Variants in ROBO2 observed in about 807,000 individuals in gnomAD.
The protein encoded by ROBO2 is roundabout guidance receptor 2.
Under a neutral mutation model 160.8 loss-of-function variants are expected in ROBO2, and 53 were observed. The ratio of observed to expected loss-of-function variants is 0.33; its 90% CI spans 0.26 to 0.41. ROBO2 has a LOEUF of 0.41. Among genes scored for constraint, ROBO2 ranks in the 10% least tolerant of loss-of-function variants. The pLI is 1.00. For missense variants in ROBO2, 1,577 were observed against 1,722.4 expected, an observed-to-expected ratio of 0.92 and a Z score of 1.49; for synonymous variants, 664 against 611.7, an observed-to-expected ratio of 1.09 and a Z score of -1.26.
intron 2 of ROBO2, among the ~76,000 whole-genome samples, chr3:76,438,872 C>T (rs1398852771): frequency 6.6e-6 from 1 of 151,410 alleles, no homozygotes; most frequent in Non-Finnish European, 1.5e-5. Context: ...AGATAAGTGT[C>T]GTTAAGCCCT....
At chr3:76,039,178 TAC>T (rs969057471) in intron 2 of ROBO2, among the ~76,000 whole-genome samples, 3 of 152,014 alleles carry the variant, frequency 2.0e-5, no homozygotes, top group Non-Finnish European at 4.4e-5. Context: ...AAGGATGCGG[TAC>T]AGTTTCCTGT....
Position 76,551,355 on chromosome 3 carries a change from A to T in ROBO2, c.110-546659A>T, listed in dbSNP as rs111252830. Among the ~76,000 whole-genome samples, 1,287 of 152,172 alleles carry T rather than the reference A, an allele frequency of 8.5e-3. 19 individuals are homozygous for T. Among genetic ancestry groups the T allele is most frequent in the African/African-American group, 0.029 (1,185 of 41,540 alleles). ...TCAGGACAACCTGCCTGCAGAAAGG[A>T]CCTACCCACTTCAGGTCTCCTGAGA... is the stretch of plus-strand genomic sequence containing the variant. On this transcript the variant is annotated intron_variant, in intron 2 of 26. Coordinates refer to the ROBO2 transcript ENST00000487694.
chr3:77,351,920 G>C (rs1184285060), intron 2 of ROBO2, among the ~76,000 whole-genome samples: 1 of 151,564 alleles, frequency 6.6e-6, no homozygotes, highest in African/African-American at 2.4e-5. Flanking sequence ...ACACAGGAAG[G>C]GGAACATCAT....
rs2074052988 is a variant in ROBO2, at chr3:76,888,135, A to G, written c.110-209879A>G. Among the ~76,000 whole-genome samples the G allele has an allele frequency of 2.0e-5, 3 of 152,298 alleles. No individual in the cohort carries two copies. In the South Asian group the frequency reaches 6.2e-4, roughly 32 times the overall value. ...GTAATCCCAGCACTTCGGGAGGCCCAGGTGGGTGGATGACTTGAGGCTGGG... is the reference window on the plus strand; with the variant it reads ...GTAATCCCAGCACTTCGGGAGGCCCGGGTGGGTGGATGACTTGAGGCTGGG... On this transcript the variant is annotated intron_variant, in intron 2 of 26. Coordinates refer to the ROBO2 transcript ENST00000487694.
At chr3:76,367,953 C>G (rs1044187440) in intron 2 of ROBO2, among the ~76,000 whole-genome samples, 1 of 151,398 alleles carries the variant, frequency 6.6e-6, no homozygotes, top group African/African-American at 2.4e-5. Flanking sequence ...AAAGTATAGA[C>G]GTGCCTTAAA....
chr3:76,991,695 C>T (rs1457349844), intron 2 of ROBO2, among the ~76,000 whole-genome samples: 1 of 152,064 alleles, frequency 6.6e-6, no homozygotes, highest in African/African-American at 2.4e-5. Flanking sequence ...ACATATTATG[C>T]TTTTGATGTG....
chr3:77,614,140 ATCT>A (rs1301263955), intron 21 of ROBO2, among the ~76,000 whole-genome samples: 1 of 152,202 alleles, frequency 6.6e-6, no homozygotes, highest in Non-Finnish European at 1.5e-5. Flanking sequence ...AGAGAAGTAA[ATCT>A]TCTTATTCAG....
intron 2 of ROBO2, among the ~76,000 whole-genome samples, chr3:76,234,788 C>G (rs1207407985): frequency 6.6e-6 from 1 of 152,110 alleles, no homozygotes; most frequent in Non-Finnish European, 1.5e-5. Context: ...ACAAGTGACC[C>G]CTTTGTTCTT....
intron 2 of ROBO2, among the ~76,000 whole-genome samples, chr3:76,550,933 TG>T (rs1300092463): frequency 1.3e-5 from 2 of 152,020 alleles, no homozygotes; most frequent in Non-Finnish European, 2.9e-5. Context: ...ACAGCCTGGG[TG>T]CTGTGGATGG....
chr3:76,410,952 T>C (rs2075454871), intron 2 of ROBO2, among the ~76,000 whole-genome samples: 1 of 152,008 alleles, frequency 6.6e-6, no homozygotes, highest in African/African-American at 2.4e-5. Flanking sequence ...CAACTCAGAG[T>C]GAGTGTAATA....
intron 1 of ROBO2, among the ~76,000 whole-genome samples, chr3:75,927,324 C>T (rs1947329332): frequency 6.6e-6 from 1 of 152,114 alleles, no homozygotes; most frequent in Non-Finnish European, 1.5e-5. Context: ...TGTGGGGTCT[C>T]CTGAAATAAT....
intron 1 of ROBO2, among the ~76,000 whole-genome samples, chr3:77,061,483 G>C (rs2066298548): frequency 6.6e-6 from 1 of 152,046 alleles, no homozygotes; most frequent in Admixed American, 6.6e-5. Context: ...GGGTAGGCTG[G>C]GTTTCCTGGA....
At chr3:75,970,541 G>T (rs2064963669) in intron 2 of ROBO2, among the ~76,000 whole-genome samples, 1 of 151,474 alleles carries the variant, frequency 6.6e-6, no homozygotes, top group Non-Finnish European at 1.5e-5. Flanking sequence ...ATCATCTGTG[G>T]GGGAAGGAAA....
chr3:77,188,984 A>G (rs2081552829), intron 2 of ROBO2, among the ~76,000 whole-genome samples: 1 of 104,820 alleles, frequency 9.5e-6, no homozygotes, highest in African/African-American at 2.9e-5. Context: ...AGAGAGAGAG[A>G]GAGAGAGAGA....
intron 2 of ROBO2, among the ~76,000 whole-genome samples, chr3:76,448,256 A>G (rs1336195845): frequency 6.6e-6 from 1 of 152,128 alleles, no homozygotes; most frequent in Non-Finnish European, 1.5e-5. Context: ...AGAATATTTA[A>G]TATAAACATA....
At chr3:76,401,715 A>G (rs1232302264) in intron 2 of ROBO2, among the ~76,000 whole-genome samples, 3 of 151,442 alleles carry the variant, frequency 2.0e-5, no homozygotes, top group Admixed American at 1.3e-4. Flanking sequence ...AAGGGAATAA[A>G]ATCAAACCTT....
intron 2 of ROBO2, among the ~76,000 whole-genome samples, chr3:75,941,386 A>T (rs1028716382): frequency 2.0e-5 from 3 of 152,210 alleles, no homozygotes; most frequent in African/African-American, 7.2e-5. Flanking sequence ...GTATGTTTTC[A>T]AAAGCAAGTT....
intron 2 of ROBO2, among the ~76,000 whole-genome samples, chr3:76,589,522 G>A (rs1001347787): frequency 4.6e-5 from 7 of 151,982 alleles, no homozygotes; most frequent in Non-Finnish European, 5.9e-5. Context: ...TAAATACTTC[G>A]GAGCATTGTG....
intron 2 of ROBO2, among the ~76,000 whole-genome samples, chr3:76,336,880 TATTTA>T (rs1194983365): frequency 6.6e-6 from 1 of 152,206 alleles, no homozygotes; most frequent in Non-Finnish European, 1.5e-5. Flanking sequence ...TTTAAGTATA[TATTTA>T]ATTGTCAATT....
Sources: gnomAD v4.1 joint callset for allele counts (sites outside exome capture counted in the v4.1 genomes callset) on GRCh38, gnomAD v4.1.1 for gene constraint, MANE v1.5 for transcripts, NCBI Gene and HGNC (gene_info 2026-07-23, HGNC 2026-07-21) for gene names.